Variants in MYCBP2 observed in about 807,000 individuals in gnomAD.
MYCBP2 encodes the protein E3 ubiquitin-protein ligase MYCBP2.
A neutral mutation model predicts 525.3 loss-of-function variants in MYCBP2; 120 were observed. The ratio of observed to expected loss-of-function variants is 0.23; its 90% confidence interval spans 0.20 to 0.27. MYCBP2 has a LOEUF of 0.27. Ranked by LOEUF, MYCBP2 falls within the 10% of genes least tolerant of loss-of-function variation. The pLI is 1.00. For missense variants in MYCBP2, 4,149 were observed against 5,657.1 expected (o/e 0.73, Z 8.55); for synonymous variants, 1,894 against 1,955.8 (o/e 0.97, Z 0.83).
chr13:77,286,344 G>C (rs73547880), intron 3 of MYCBP2, among the ~76,000 whole-genome samples: 21 of 152,144 alleles, frequency 1.4e-4, no homozygotes, highest in Admixed American at 5.9e-4. Flanking sequence ...ATTTTGAATA[G>C]CTCTGTTTAG....
At chr13:77,076,029 G>A (rs1481279545) in intron 68 of MYCBP2, 1 of 152,176 alleles carries the variant, frequency 6.6e-6, no homozygotes. Flanking sequence ...CTAGAATATT[G>A]AGACTAGTCA....
intron 60 of MYCBP2, among the ~76,000 whole-genome samples, chr13:77,089,545 T>C (rs1375444697): frequency 6.6e-6 from 1 of 152,118 alleles, no homozygotes; most frequent in Non-Finnish European, 1.5e-5. Flanking sequence ...AATTGATCAC[T>C]ATATTACCCT....
At chr13:77,143,446 T>G (rs879022860) in intron 49 of MYCBP2, among the ~76,000 whole-genome samples, 11 of 152,186 alleles carry the variant, frequency 7.2e-5, no homozygotes. Context: ...TCCCCAGCAT[T>G]TAGACTCCAG....
intron 55 of MYCBP2, among the ~76,000 whole-genome samples, chr13:77,119,494 T>C (rs1287117645): frequency 6.6e-6 from 1 of 152,048 alleles, no homozygotes; most frequent in Non-Finnish European, 1.5e-5. Flanking sequence ...CTGTAGATTA[T>C]AGGAAAAAAT....
At chr13:77,301,773 C>T (rs573523460) in intron 1 of MYCBP2, among the ~76,000 whole-genome samples, 3 of 152,130 alleles carry the variant, frequency 2.0e-5, no homozygotes, top group African/African-American at 7.2e-5. Context: ...CAGATATTAA[C>T]GTTAGGAGGC....
At chr13:77,241,850 GA>G (rs61400342) in intron 17 of MYCBP2, among the ~76,000 whole-genome samples, 1 of 151,868 alleles carries the variant, frequency 6.6e-6, no homozygotes, top group African/African-American at 2.4e-5. Flanking sequence ...AGAATAGCTA[GA>G]AAAAAATATA....
chr13:77,267,215 C>T (rs992320556), intron 8 of MYCBP2, among the ~76,000 whole-genome samples: 8 of 151,720 alleles, frequency 5.3e-5, no homozygotes, highest in Middle Eastern at 3.2e-3. Flanking sequence ...AGACCTACTG[C>T]CTGATAATTT....
chr13:77,224,722 T>C (rs1225376613), intron 19 of MYCBP2, among the ~76,000 whole-genome samples, 190 bp from the exon 20 acceptor site: 1 of 152,208 alleles, frequency 6.6e-6, no homozygotes. Flanking sequence ...GTAGGTCATA[T>C]AAATGTATAA....
intron 55 of MYCBP2, among the ~76,000 whole-genome samples, chr13:77,105,781 A>T (rs959292879): frequency 1.3e-5 from 2 of 152,142 alleles, no homozygotes; most frequent in African/African-American, 4.8e-5. Flanking sequence ...ATTAAAAACA[A>T]TTTTAAAGAA....
intron 47 of MYCBP2, among the ~76,000 whole-genome samples, chr13:77,148,900 G>A (rs925504342): frequency 2.0e-5 from 3 of 152,044 alleles, no homozygotes; most frequent in Admixed American, 6.6e-5. Context: ...ACTAGCATCT[G>A]TATTAAGCTT....
chr13:77,249,517 T>C (rs1015053680), intron 15 of MYCBP2, among the ~76,000 whole-genome samples: 1 of 152,184 alleles, frequency 6.6e-6, no homozygotes, highest in African/African-American at 2.4e-5. Flanking sequence ...TCACGATATA[T>C]ACTGGCTGCT....
rs1351427714 is a variant in MYCBP2, at chr13:77,217,946, G to T, written c.2951C>A (p.Thr984Asn). ...HGDVNSRGCPTLVQALPGPST... is the reference protein window; with the variant it reads ...HGDVNSRGCPNLVQALPGPST... ...AGGGCCTGGCAATGCTTGAACAAGA[G>T]TGGGACATCCCCTAGGTTAAAAAAA... The change falls in exon 21 of 83, where the codon ACT becomes AAT. Residue 984 changes from threonine to asparagine, a missense_variant. Physicochemically the swap from Thr to Asn is moderately conservative, Grantham distance 65 (BLOSUM62 0). Around this residue, in one of 21 missense-constraint regions of MYCBP2, gnomAD observed 620 missense variants for 795.5 expected, o/e 0.78. Transcript: ENST00000544440. 6.3e-7 allele frequency: 1 copy of T among 1,598,460 alleles called. No homozygotes were observed. The highest frequency in any genetic ancestry group is 1.7e-5 in the Admixed American group (1 of 57,576).
At chr13:77,176,673 T>G in intron 35 of MYCBP2, 45 bp from the exon 36 acceptor site, 2 of 1,377,188 alleles carry the variant, frequency 1.5e-6, no homozygotes, top group Non-Finnish European at 9.7e-7. Context: ...AGACTCTTAA[T>G]TTTATTGTAT....
chr13:77,280,476 A>T (rs907572473), intron 3 of MYCBP2, among the ~76,000 whole-genome samples: 1 of 152,254 alleles, frequency 6.6e-6, no homozygotes, highest in African/African-American at 2.4e-5. Context: ...TCTATTCTCA[A>T]GCCAATGGAA....
chr13:77,152,894 T>C (rs1594945219), intron 46 of MYCBP2, among the ~76,000 whole-genome samples: 2 of 151,756 alleles, frequency 1.3e-5, no homozygotes, highest in African/African-American at 4.8e-5. Flanking sequence ...TGAAACCCCG[T>C]CTCTACTAAA....
intron 3 of MYCBP2, among the ~76,000 whole-genome samples, chr13:77,284,448 G>A (rs1215474903): frequency 6.6e-6 from 1 of 152,144 alleles, no homozygotes; most frequent in Non-Finnish European, 1.5e-5. Context: ...AACCTTAAGA[G>A]ACTAATTTCG....
chr13:77,289,579 A>G (rs2077260234), intron 2 of MYCBP2, among the ~76,000 whole-genome samples: 1 of 152,174 alleles, frequency 6.6e-6, no homozygotes, highest in Non-Finnish European at 1.5e-5. Context: ...GTATCTACAA[A>G]ATAACCACAG....
Position 77,184,411 on chromosome 13 carries a change from C to T in MYCBP2, c.4719+692G>A, listed in dbSNP as rs577405549. On this transcript the variant is annotated intron_variant, in intron 32 of 82. Transcript: ENST00000544440. ...ATTTTATGGTCTAGCATATGATCTA[C>T]CTTAGTGAATGGTCCCAAATATTTC... is the stretch of plus-strand genomic sequence containing the variant. Among the ~76,000 whole-genome samples the T allele has an allele frequency of 2.0e-5, 3 of 152,286 alleles. No homozygotes were observed. The East Asian group carries it at 5.8e-4, about 29-fold the overall frequency.
chr13:77,086,192 T>C (rs1394846975), intron 62 of MYCBP2, among the ~76,000 whole-genome samples: 3 of 152,146 alleles, frequency 2.0e-5, no homozygotes, highest in Non-Finnish European at 4.4e-5. Flanking sequence ...TTTGGTCTTG[T>C]TCTTCAAAGA....
Sources: allele counts gnomAD v4.1 joint callset (sites outside exome capture counted in the v4.1 genomes callset), GRCh38; gene constraint gnomAD v4.1.1; regional missense constraint gnomAD v4.1.1; transcripts MANE v1.5; gene names NCBI Gene and HGNC (gene_info 2026-07-23, HGNC 2026-07-21).